The following AGBL1 variants were observed in gnomAD, a reference collection of about 807,000 sequenced individuals.
AGBL1 encodes AGBL carboxypeptidase 1.
AGBL1 carries 130 observed loss-of-function variants against 118.9 expected under a neutral mutation model. The observed-to-expected ratio is 1.09, with a 90% confidence interval of 0.95 to 1.26. The LOEUF is 1.26. AGBL1 is among the 50% of genes most tolerant of loss of function. The pLI is 0.00. For synonymous variants in AGBL1, 555 were observed against 478.9 expected, an observed-to-expected ratio of 1.16 and a Z score of -2.08; for missense variants, 1,584 against 1,298.1, an observed-to-expected ratio of 1.22 and a Z score of -3.38.
At chr15:86,925,715 CTTTTCTTTT>C (rs2080529831) in intron 23 of AGBL1, among the ~76,000 whole-genome samples, 1 of 135,984 alleles carries the variant, frequency 7.4e-6, no homozygotes, top group African/African-American at 2.8e-5. Context: ...TTTTCTTTTT[CTTTTCTTTT>C]TTTTTTTTTT....
chr15:86,757,331 A>C (rs374626088), intron 22 of AGBL1, among the ~76,000 whole-genome samples: 57 of 152,232 alleles, frequency 3.7e-4, no homozygotes, highest in African/African-American at 1.3e-3. Flanking sequence ...AGGTAGGATG[A>C]GTGGGTAGCA....
At chr15:86,487,802 T>C (rs1014136291) in intron 18 of AGBL1, among the ~76,000 whole-genome samples, 1 of 152,078 alleles carries the variant, frequency 6.6e-6, no homozygotes, top group Non-Finnish European at 1.5e-5. Context: ...CGAACATATT[T>C]ATTTGGAATT....
chr15:86,154,640 T>C, intron 4 of AGBL1, 79 bp downstream of exon 4: 6 of 1,486,574 alleles, frequency 4.0e-6, no homozygotes, highest in East Asian at 2.4e-5. Flanking sequence ...GAGGGTCTGG[T>C]TGGAAGAAAA....
chr15:87,011,308 T>A (rs1402782745), intron 24 of AGBL1, among the ~76,000 whole-genome samples: 2 of 152,174 alleles, frequency 1.3e-5, no homozygotes, highest in Non-Finnish European at 2.9e-5. Context: ...TATCTAAATT[T>A]GAACTAGGGA....
intron 1 of AGBL1, among the ~76,000 whole-genome samples, chr15:86,112,074 G>T (rs1029930394): frequency 6.6e-6 from 1 of 152,020 alleles, no homozygotes; most frequent in Non-Finnish European, 1.5e-5. Flanking sequence ...CAAGCTCAGG[G>T]CTCCCACTGA....
chr15:86,320,456 T>C (rs1043682558), intron 17 of AGBL1, among the ~76,000 whole-genome samples: 2 of 152,120 alleles, frequency 1.3e-5, no homozygotes, highest in African/African-American at 4.8e-5. Context: ...TCTATATTTG[T>C]TTTGTATTTT....
chr15:86,163,253 G>A (rs2077291947), intron 5 of AGBL1, among the ~76,000 whole-genome samples: 1 of 152,166 alleles, frequency 6.6e-6, no homozygotes, highest in Admixed American at 6.5e-5. Flanking sequence ...CTTGGGCAAC[G>A]TAGGCAGACC....
intron 21 of AGBL1, among the ~76,000 whole-genome samples, chr15:86,641,268 CTTATTT>C (rs1252921853): frequency 3.3e-5 from 5 of 151,948 alleles, no homozygotes; most frequent in African/African-American, 9.7e-5. Flanking sequence ...ATTGTGATCA[CTTATTT>C]TTATTGTAAA....
At chr15:86,771,332 C>T (rs1296026860) in intron 22 of AGBL1, among the ~76,000 whole-genome samples, 1 of 151,894 alleles carries the variant, frequency 6.6e-6, no homozygotes, top group Non-Finnish European at 1.5e-5. Flanking sequence ...ATATTTTAAA[C>T]ATAAGGAAAA....
At chr15:86,648,770 A>G (rs1051942648) in intron 21 of AGBL1, among the ~76,000 whole-genome samples, 1 of 152,204 alleles carries the variant, frequency 6.6e-6, no homozygotes, top group South Asian at 2.1e-4. Context: ...CTAGAAGCCC[A>G]GTGAAGAGAA....
At chr15:86,480,570 T>A (rs7171046) in intron 18 of AGBL1, among the ~76,000 whole-genome samples, 10,948 of 152,012 alleles carry the variant, frequency 0.072, 960 homozygotes, top group African/African-American at 0.21. Flanking sequence ...AATCTAGTAC[T>A]ATGAAAAGAT....
chr15:86,792,863 C>G (rs2078515093), intron 22 of AGBL1, among the ~76,000 whole-genome samples: 1 of 152,078 alleles, frequency 6.6e-6, no homozygotes, highest in Admixed American at 6.6e-5. Flanking sequence ...AAAGCTATAT[C>G]TCCATGATTC....
At chr15:86,202,019 C>T (rs1031147230) in intron 5 of AGBL1, among the ~76,000 whole-genome samples, 1 of 152,124 alleles carries the variant, frequency 6.6e-6, no homozygotes, top group African/African-American at 2.4e-5. Context: ...GGCATGGGAG[C>T]GCATGCCTGT....
chr15:86,195,496 C>G (rs560933481), intron 5 of AGBL1, among the ~76,000 whole-genome samples: 1 of 152,040 alleles, frequency 6.6e-6, no homozygotes, highest in East Asian at 1.9e-4. Flanking sequence ...AAAAGCTCCC[C>G]AAAGTAATTT....
rs114767628 is a variant in AGBL1 at position 86,190,918 on chromosome 15, C to T, written c.488+31892C>T. On this transcript the variant is annotated intron_variant, in intron 5 of 22. Transcript: ENST00000614907. ...GAAAACATTACCCAAGAAACAAATG[C>T]AAATTTCCTACAACTGCTTTGCAGT... 8.8e-3 allele frequency among the ~76,000 whole-genome samples: 1,333 copies of T among 152,230 alleles called. 18 individuals are homozygous for T. Among genetic ancestry groups the T allele is most frequent in the African/African-American group, 0.031 (1,290 of 41,542 alleles).
rs192547725 is a variant in AGBL1 at position 86,734,081 on chromosome 15, T to G, written c.3158+59645T>G. On this transcript the variant is annotated intron_variant, in intron 22 of 22. Transcript: ENST00000614907. ...TGAAACCGTTCTTTGTACTGGACCC[T>G]GTTCTAGGCAGTTTGCATATGTTTT... Among the ~76,000 whole-genome samples the G allele has an allele frequency of 1.1e-4, 16 of 152,310 alleles. No homozygotes were observed. The East Asian group carries it at 3.1e-3, about 29-fold the overall frequency.
intron 22 of AGBL1, among the ~76,000 whole-genome samples, chr15:86,682,636 C>T (rs2085981487): frequency 1.3e-5 from 2 of 152,078 alleles, no homozygotes; most frequent in South Asian, 2.1e-4. Flanking sequence ...ATTTATTATG[C>T]ACATATTTAT....
chr15:86,548,733 G>A (rs1240896120), intron 20 of AGBL1, among the ~76,000 whole-genome samples: 2 of 151,802 alleles, frequency 1.3e-5, no homozygotes, highest in African/African-American at 4.8e-5. Context: ...AGAAATGAGA[G>A]AGCCACAGAA....
chr15:86,276,055 TA>T (rs1184623513), intron 15 of AGBL1, among the ~76,000 whole-genome samples: 8 of 152,220 alleles, frequency 5.3e-5, no homozygotes, highest in Admixed American at 2.6e-4. Flanking sequence ...TGCTAGCAAT[TA>T]TTTTTAATAA....
Sources: allele counts gnomAD v4.1 joint callset (sites outside exome capture counted in the v4.1 genomes callset), GRCh38; gene constraint gnomAD v4.1.1; transcripts MANE v1.5; gene names NCBI Gene and HGNC (gene_info 2026-07-23, HGNC 2026-07-21).